Variants in LTBP3 observed in about 807,000 individuals in gnomAD.
LTBP3 encodes latent-transforming growth factor beta-binding protein 3.
In LTBP3, 97 loss-of-function variants were observed where a neutral mutation model predicts 159.7. That is an observed-to-expected ratio of 0.61 (90% CI 0.52 to 0.72). The LOEUF (loss-of-function observed/expected upper bound fraction) is 0.72, where lower values mean the gene tolerates loss of function less well. Among genes scored for constraint, LTBP3 ranks in the 30% least tolerant of loss-of-function variants. LTBP3 has a pLI of 0.00. For synonymous variants in LTBP3, 824 were observed against 777.1 expected (o/e 1.06, Z -1.00); for missense variants, 1,584 against 1,864.3 (o/e 0.85, Z 2.77).
At position 65,547,991 on chromosome 11, in the gene LTBP3, G is replaced by A. The variant is rs1400831758; in HGVS notation, c.1775C>T (p.Pro592Leu). The A allele has an allele frequency of 5.0e-6, 8 of 1,613,786 alleles. No homozygotes were observed. Among genetic ancestry groups the A allele is most frequent in the Non-Finnish European group, 6.8e-6 (8 of 1,179,992 alleles). ...GTGGCAGGAGTAGTCAGGGGGGCCC[G>A]GCACGCACTCTCCGTGGCCACAGAT... ...QNICGHGECV[P>L]GPPDYSCHCN... The change falls in exon 12 of 28, where the codon CCG becomes CTG. Residue 592 changes from proline (P) to leucine (L), a missense_variant. Around this residue, in one of 6 missense-constraint regions of LTBP3, gnomAD observed 565 missense variants for 677.7 expected, o/e 0.83. Coordinates refer to ENST00000301873, the MANE Select transcript of LTBP3 (RefSeq NM_001130144.3). The surrounding 1 kb of genome is among the most constrained non-coding windows in gnomAD (Gnocchi z 4.6).
In LTBP3 at chr11:65,546,314, G is replaced by T; in HGVS notation, c.2353+128C>A. Reference sequence around the variant, plus strand: ...CCTTGGCAAAGTTCGTTGAGAAAATGAGTGAGCAGAGTCACCTGGGGATGA... The same window carrying T: ...CCTTGGCAAAGTTCGTTGAGAAAATTAGTGAGCAGAGTCACCTGGGGATGA... On this transcript the variant is annotated intron_variant, in intron 16 of 27. Coordinates refer to ENST00000301873, the MANE Select transcript of LTBP3 (RefSeq NM_001130144.3). The surrounding 1 kb of genome is among the most constrained non-coding windows in gnomAD (Gnocchi z 4.0). 8.3e-7 allele frequency: 1 copy of T among 1,199,934 alleles called. No individual in the cohort carries two copies. The highest frequency in any genetic ancestry group is 1.1e-6 in the Non-Finnish European group (1 of 896,040). 74.3% of individuals were successfully genotyped at this position (1,199,934 alleles called of 1,614,324 possible).
rs1056369966 is a variant in LTBP3 at position 65,540,267 on chromosome 11, C to T, written c.3222G>A (p.Gln1074=). 1 of 1,552,674 alleles carries T rather than the reference C, an allele frequency of 6.4e-7. No homozygotes were observed. Among genetic ancestry groups the T allele is most frequent in the Non-Finnish European group, 8.7e-7 (1 of 1,147,958 alleles). The change falls in exon 23 of 28, where the codon CAG becomes CAA. Residue 1074 remains glutamine (Q), a synonymous_variant. Coordinates refer to ENST00000301873, the MANE Select transcript of LTBP3 (RefSeq NM_001130144.3). The part of the protein sequence containing the change: ...PPAEYSPAQR[Q]CLSPEEMDVD... Reference sequence around the variant, plus strand: ...CACCCATCTCTTCCGGGCTCAGGCACTGGCGCTGCGCGGGACTGTACTCGG... The same window carrying T: ...CACCCATCTCTTCCGGGCTCAGGCATTGGCGCTGCGCGGGACTGTACTCGG...
At position 65,546,299 on chromosome 11, in the gene LTBP3, G is replaced by C; in HGVS notation, c.2353+143C>G. ...TTCTAGTGGTGCCTTCCTTGGCAAA[G>C]TTCGTTGAGAAAATGAGTGAGCAGA... On this transcript the variant is annotated intron_variant, in intron 16 of 27. Transcript: ENST00000301873. This position sits in a 1 kb window ranked among gnomAD's most constrained non-coding sequence, Gnocchi z 4.0. The C allele has an allele frequency of 8.9e-7, 1 of 1,120,636 alleles. No individual in the cohort carries two copies. The highest frequency in any genetic ancestry group is 1.7e-5 in the South Asian group (1 of 58,340). 69.4% of individuals were successfully genotyped at this position (1,120,636 alleles called of 1,614,324 possible).
intron 11 of LTBP3, chr11:65,548,462 G>A (rs1208121220): frequency 1.1e-5 from 4 of 355,882 alleles, no homozygotes; most frequent in African/African-American, 2.1e-5. Flanking sequence ...CTCTAGCCCA[G>A]TGACTCCATA....
intron 19 of LTBP3, 43 bp downstream of exon 19, chr11:65,541,557 G>A (rs781255060): frequency 1.2e-6 from 2 of 1,613,642 alleles, no homozygotes; most frequent in South Asian, 2.2e-5. Flanking sequence ...CTGCAGCTCA[G>A]GGGAGTTGTC....
Position 65,558,278 on chromosome 11 carries a change from G to A in LTBP3, c.-319C>T, listed in dbSNP as rs1856884405. On this transcript the variant is annotated 5_prime_UTR_variant, in exon 1 of 28. Coordinates refer to ENST00000301873, the MANE Select transcript of LTBP3 (RefSeq NM_001130144.3). ...GAGAGGAAGGCCGGGCGGCCGGCCC[G>A]CTCCGCGCCTCCCCCTGGCCGGGCT... The A allele has an allele frequency of 1.1e-6, 1 of 931,524 alleles. No homozygotes were observed. Among genetic ancestry groups the A allele is most frequent in the Non-Finnish European group, 1.3e-6 (1 of 765,130 alleles). The allele number at this position is 931,524 out of a possible 1,614,324, so 57.7% of individuals were successfully genotyped here.
At position 65,552,640 on chromosome 11, in the gene LTBP3, T is replaced by C. The variant is rs1316262731; in HGVS notation, c.1186+220A>G. On this transcript the variant is annotated intron_variant, in intron 6 of 27. Coordinates refer to ENST00000301873, the MANE Select transcript of LTBP3 (RefSeq NM_001130144.3). The surrounding 1 kb of genome is among the most constrained non-coding windows in gnomAD (Gnocchi z 6.0). Reference sequence around the variant, plus strand: ...TCACCACTCCTACTCATCAAGCCTATGTTCTGCATGACTCTGACTCTATGT... The same window carrying C: ...TCACCACTCCTACTCATCAAGCCTACGTTCTGCATGACTCTGACTCTATGT... Among the ~76,000 whole-genome samples, 1 of 152,178 alleles carries C rather than the reference T, an allele frequency of 6.6e-6. No individual in the cohort carries two copies. Among genetic ancestry groups the C allele is most frequent in the East Asian group, 1.9e-4 (1 of 5,192 alleles).
At chr11:65,550,854 A>C (rs1014625043) in intron 11 of LTBP3, among the ~76,000 whole-genome samples, 12 of 152,286 alleles carry the variant, frequency 7.9e-5, no homozygotes, top group East Asian at 5.8e-4. Flanking sequence ...ACAAAAAAAA[A>C]CTGGGAAACC....
Position 65,539,790 on chromosome 11 carries a change from G to T in LTBP3, c.3477C>A (p.Phe1159Leu). 1 of 1,544,884 alleles carries T rather than the reference G, an allele frequency of 6.5e-7. No homozygotes were observed. Among genetic ancestry groups the T allele is most frequent in the Non-Finnish European group, 8.7e-7 (1 of 1,152,628 alleles). The part of the protein sequence containing the change: ...AGPLAGPALT[F>L]DDCCCRQGRG... ...GGCCCTGGCGGCAGCAGCAGTCGTC[G>T]AAGGTGAGGGCAGGCCCGGCCAGGG... is the stretch of plus-strand genomic sequence containing the variant. The change falls in exon 25 of 28, where the codon TTC (phenylalanine) becomes TTA (leucine). Residue 1159 changes from phenylalanine (F) to leucine (L), a missense_variant. Coordinates refer to ENST00000301873, the MANE Select transcript of LTBP3 (RefSeq NM_001130144.3).
Position 65,541,308 on chromosome 11 carries a change from G to A in LTBP3, c.2726-15C>T. ...CTGCTCCACCTCTGAGGGGCAGACGGCAGCTCAGGGTTGTGCACAGACCCC... is the reference window on the plus strand; with the variant it reads ...CTGCTCCACCTCTGAGGGGCAGACGACAGCTCAGGGTTGTGCACAGACCCC... On this transcript the variant is annotated splice_polypyrimidine_tract_variant and intron_variant, in intron 19 of 27. Coordinates refer to ENST00000301873, the MANE Select transcript of LTBP3 (RefSeq NM_001130144.3). The A allele has an allele frequency of 6.2e-7, 1 of 1,607,510 alleles. No individual in the cohort carries two copies. The highest frequency in any genetic ancestry group is 8.5e-7 in the Non-Finnish European group (1 of 1,179,938).
rs1445910339 is a variant in LTBP3, at chr11:65,558,030, A to C, written c.-71T>G. ...CGAGGGGCCCGCGCCCGAAGGGAGT[A>C]GAGGGCCGGGAGCCCCGGGAGAGGG... On this transcript the variant is annotated 5_prime_UTR_variant, in exon 1 of 28. Coordinates refer to ENST00000301873, the MANE Select transcript of LTBP3 (RefSeq NM_001130144.3). 3.7e-6 allele frequency: 4 copies of C among 1,071,040 alleles called. No homozygotes were observed. The highest frequency in any genetic ancestry group is 5.4e-5 in the East Asian group (1 of 18,488). The allele number at this position is 1,071,040 out of a possible 1,614,324, so 66.3% of individuals were successfully genotyped here. A position where few individuals can be genotyped will look rare whatever the true frequency, so the allele number is the denominator to read the frequency against.
chr11:65,539,325 C>G lies in LTBP3; in HGVS notation c.3760+3G>C. 1 of 1,512,690 alleles carries G rather than the reference C, an allele frequency of 6.6e-7. No individual in the cohort carries two copies. Among genetic ancestry groups the G allele is most frequent in the Non-Finnish European group, 8.9e-7 (1 of 1,127,094 alleles). The allele number at this position is 1,512,690 out of a possible 1,614,324, so 93.7% of individuals were successfully genotyped here. ...CTGCCCCCACCCCCGAAGCCCGGCT[C>G]ACCCACGCAGCGGGCGCGGGAGGCG... On this transcript the variant is annotated splice_donor_region_variant and intron_variant, in intron 27 of 27. Transcript: ENST00000301873.
chr11:65,550,393 CA>C (rs1241050623), intron 11 of LTBP3, among the ~76,000 whole-genome samples: 1 of 151,032 alleles, frequency 6.6e-6, no homozygotes, highest in African/African-American at 2.4e-5. Flanking sequence ...GCCTGGGCGA[CA>C]GAGCGAGACT....
chr11:65,542,381 CTTTTTTT>C (rs775859883), intron 18 of LTBP3: 3,501 of 92,012 alleles, frequency 0.038, 90 homozygotes, highest in African/African-American at 0.14. Flanking sequence ...GCTCAATAAA[CTTTTTTT>C]TTTTTTTTTT....
In LTBP3 at chr11:65,557,941, C is replaced by A; in HGVS notation, c.19G>T (p.Ala7Ser). MPGPRG[A>S]AGGLAPEMRG... Reference sequence around the variant, plus strand: ...ATCTCAGGGGCCAGGCCGCCAGCAGCCCCTCGGGGCCCGGGCATCCGGGGC... The same window carrying A: ...ATCTCAGGGGCCAGGCCGCCAGCAGACCCTCGGGGCCCGGGCATCCGGGGC... The change falls in exon 1 of 28, where the codon GCT (alanine) becomes TCT (serine). Residue 7 changes from alanine (A) to serine (S), a missense_variant. Physicochemically the swap from Ala to Ser is moderately conservative, Grantham distance 99. Transcript: ENST00000301873. The A allele has an allele frequency of 1.7e-6, 2 of 1,188,358 alleles. No individual in the cohort carries two copies. The highest frequency in any genetic ancestry group is 2.1e-6 in the Non-Finnish European group (2 of 958,606). 73.6% of individuals were successfully genotyped at this position (1,188,358 alleles called of 1,614,324 possible). A position where few individuals can be genotyped will look rare whatever the true frequency, so the allele number is the denominator to read the frequency against.
In LTBP3 at chr11:65,548,060, A is replaced by C. The variant is rs1353194583; in HGVS notation, c.1721-15T>G. On this transcript the variant is annotated splice_polypyrimidine_tract_variant and intron_variant, in intron 11 of 27. Transcript: ENST00000301873. The stretch of plus-strand genomic sequence containing the variant: ...CTCATCAGTCTCTGCGGGCATGGCC[A>C]GGTCAAGCGGCAGAGCAGGGAGCGC... The C allele has an allele frequency of 2.5e-6, 4 of 1,613,636 alleles. No individual in the cohort carries two copies. The highest frequency in any genetic ancestry group is 3.3e-5 in the Admixed American group (2 of 59,992).
Position 65,557,818 on chromosome 11 carries a change from C to T in LTBP3, c.142G>A (p.Glu48Lys). The change falls in exon 1 of 28, where the codon GAG (glutamate) becomes AAG (lysine). Residue 48 changes from glutamate to lysine, a missense_variant. By Grantham distance (56) the Glu-to-Lys change is moderately conservative. Coordinates refer to ENST00000301873, the MANE Select transcript of LTBP3 (RefSeq NM_001130144.3). ...GCCCCGCCCCCGCCTGCGCCCCGCT[C>T]GCCGGCCGGCCCCCCCTCGACCCTG... ...GGRVEGGPAG[E>K]RGAGGGGALA... The T allele has an allele frequency of 6.7e-7, 1 of 1,481,582 alleles. No homozygotes were observed. Among genetic ancestry groups the T allele is most frequent in the Non-Finnish European group, 8.9e-7 (1 of 1,117,962 alleles). 91.8% of individuals were successfully genotyped at this position (1,481,582 alleles called of 1,614,324 possible).
Position 65,553,319 on chromosome 11 carries a change from A to ATTCCTCTCTACATCTGC in LTBP3, c.971-64_971-63insGCAGATGTAGAGAGGAA. On this transcript the variant is annotated intron_variant, in intron 4 of 27. Coordinates refer to ENST00000301873, the MANE Select transcript of LTBP3 (RefSeq NM_001130144.3). This position sits in a 1 kb window ranked among gnomAD's most constrained non-coding sequence, Gnocchi z 6.5. ...AGGGAACTGGGGAGGGGCACAGCAG[A>ATTCCTCTCTACATCTGC]TGTAGAGAGGAATCTGGTGACCTGG... The ATTCCTCTCTACATCTGC allele has an allele frequency of 8.0e-7, 1 of 1,243,242 alleles. No homozygotes were observed. Among genetic ancestry groups the ATTCCTCTCTACATCTGC allele is most frequent in the Non-Finnish European group, 1.1e-6 (1 of 907,754 alleles). 77.0% of individuals were successfully genotyped at this position (1,243,242 alleles called of 1,614,324 possible). A position where few individuals can be genotyped will look rare whatever the true frequency, so the allele number is the denominator to read the frequency against.
In LTBP3 at chr11:65,551,217, G is replaced by T; in HGVS notation, c.1629C>A (p.Ile543=). ...TTPARPYPEL[I]SRPSPPTMRW... is the part of the protein sequence containing the mutation. ...GCATGGTCGGGGGCGAGGGACGGGAGATCAGCTCTGCGGGCGGCAGTGCAC... is the reference window on the plus strand; with the variant it reads ...GCATGGTCGGGGGCGAGGGACGGGATATCAGCTCTGCGGGCGGCAGTGCAC... Residue 543 remains isoleucine (I), a synonymous_variant, in exon 11 of 28, where the codon ATC becomes ATA. Transcript: ENST00000301873. 6.5e-7 allele frequency: 1 copy of T among 1,547,356 alleles called. No individual in the cohort carries two copies.
Sources: allele counts gnomAD v4.1 joint callset (sites outside exome capture counted in the v4.1 genomes callset), GRCh38; gene constraint gnomAD v4.1.1; regional missense constraint gnomAD v4.1.1; non-coding constraint Gnocchi (gnomAD v3.1); transcripts MANE v1.5; gene names NCBI Gene and HGNC (gene_info 2026-07-23, HGNC 2026-07-21).